The following CDH13 variants were observed in gnomAD, a reference collection of about 807,000 sequenced individuals.
The protein encoded by CDH13 is cadherin-13.
A neutral mutation model predicts 63.8 loss-of-function variants in CDH13; 24 were observed. The observed-to-expected ratio is 0.38, with a 90% CI of 0.27 to 0.53. The LOEUF is 0.53. Among genes scored for constraint, CDH13 ranks in the 20% least tolerant of loss-of-function variants. CDH13 has a pLI of 0.85. For missense variants in CDH13, 1,049 were observed against 903.1 expected (o/e 1.16, Z -2.07); for synonymous variants, 503 against 355.3 (o/e 1.42, Z -4.67).
At chr16:83,127,524 G>A (rs1265834992) in intron 4 of CDH13, among the ~76,000 whole-genome samples, 1 of 152,154 alleles carries the variant, frequency 6.6e-6, no homozygotes, top group African/African-American at 2.4e-5. Flanking sequence ...GAGGTCAGGA[G>A]TTCAAGACCA....
At position 83,546,998 on chromosome 16, in the gene CDH13, C is replaced by A. The variant is rs199805192; in HGVS notation, c.961-55456C>A. ...CCGGTCCTGAACAGCCTGGCTTCAA[C>A]TTCAAGGACCACAGTTGGCTTGAAT... is the stretch of plus-strand genomic sequence containing the variant. On this transcript the variant is annotated intron_variant, in intron 7 of 13. Coordinates refer to ENST00000567109, the MANE Select transcript of CDH13 (RefSeq NM_001257.5). Among the ~76,000 whole-genome samples the A allele has an allele frequency of 2.9e-4, 44 of 152,332 alleles. No homozygotes were observed. In the East Asian group the frequency reaches 8.1e-3, roughly 28 times the overall value.
At chr16:83,786,637 A>C (rs1355489173) in intron 13 of CDH13, among the ~76,000 whole-genome samples, 1 of 151,414 alleles carries the variant, frequency 6.6e-6, no homozygotes, top group Non-Finnish European at 1.5e-5. Flanking sequence ...GCCCAGGCTG[A>C]AGTACAGTGG....
chr16:82,827,482 G>C (rs1339019591), intron 1 of CDH13, among the ~76,000 whole-genome samples: 1 of 152,192 alleles, frequency 6.6e-6, no homozygotes, highest in South Asian at 2.1e-4. Flanking sequence ...ATGAGGCAGT[G>C]ATGATGTGAG....
chr16:83,382,242 A>G (rs544997660), intron 6 of CDH13, among the ~76,000 whole-genome samples: 1 of 152,346 alleles, frequency 6.6e-6, no homozygotes, highest in South Asian at 2.1e-4. Context: ...CACATAATGA[A>G]GACAAAAATG....
chr16:83,441,123 A>T (rs1331932095), intron 6 of CDH13, among the ~76,000 whole-genome samples: 1 of 152,260 alleles, frequency 6.6e-6, no homozygotes, highest in Admixed American at 6.5e-5. Context: ...TGTTTTGAAT[A>T]AGAAAATAAT....
intron 3 of CDH13, among the ~76,000 whole-genome samples, chr16:83,057,877 A>C (rs1000543377): frequency 4.6e-5 from 7 of 152,230 alleles, no homozygotes; most frequent in African/African-American, 1.4e-4. Context: ...TTAAACCTGC[A>C]CACAGTAATT....
At chr16:82,702,637 A>G (rs1299993498) in intron 1 of CDH13, among the ~76,000 whole-genome samples, 1 of 152,154 alleles carries the variant, frequency 6.6e-6, no homozygotes, top group African/African-American at 2.4e-5. Context: ...CCCCCACTCA[A>G]ATTGTATTTT....
intron 7 of CDH13, among the ~76,000 whole-genome samples, chr16:83,531,106 A>C (rs1007005325): frequency 1.3e-5 from 2 of 152,178 alleles, no homozygotes; most frequent in Non-Finnish European, 2.9e-5. Flanking sequence ...TAAGCAATCA[A>C]ATGTTACAAC....
chr16:83,602,119 AAAAAAAAAAAAAAAAAAAAAAAAACC>A (rs1907886144), intron 7 of CDH13, among the ~76,000 whole-genome samples: 2 of 119,018 alleles, frequency 1.7e-5, no homozygotes, highest in Admixed American at 1.6e-4. Flanking sequence ...AAAAAAAAAA[AAAAAAAAAAAAAAAAAAAAAAAAACC>A]CAAAGGACAA....
At chr16:83,772,063 TG>T (rs1394853159) in intron 11 of CDH13, among the ~76,000 whole-genome samples, 5 of 152,082 alleles carry the variant, frequency 3.3e-5, no homozygotes, top group African/African-American at 1.2e-4. Flanking sequence ...TGGAGAAGGA[TG>T]GGGGGTGACT....
chr16:83,606,503 G>A (rs1481440994), intron 8 of CDH13, among the ~76,000 whole-genome samples: 2 of 151,968 alleles, frequency 1.3e-5, no homozygotes, highest in Admixed American at 6.6e-5. Flanking sequence ...TTTGGGTGGC[G>A]GAAGTGGGAG....
chr16:82,922,993 C>T (rs1349941972), intron 2 of CDH13, among the ~76,000 whole-genome samples: 1 of 152,048 alleles, frequency 6.6e-6, no homozygotes, highest in African/African-American at 2.4e-5. Context: ...ATACTGTAGT[C>T]TCTTAAGTGT....
chr16:83,017,671 C>T (rs1914938022), intron 2 of CDH13, among the ~76,000 whole-genome samples: 1 of 152,142 alleles, frequency 6.6e-6, no homozygotes. Flanking sequence ...ATATGATAGA[C>T]ATCAAACATG....
At chr16:83,271,411 G>A (rs77072345) in intron 5 of CDH13, among the ~76,000 whole-genome samples, 7,502 of 35,726 alleles carry the variant, frequency 0.21, 358 homozygotes, top group Middle Eastern at 0.34. Flanking sequence ...CGCACATTGA[G>A]GCAGAGTTCA....
intron 6 of CDH13, among the ~76,000 whole-genome samples, chr16:83,376,597 C>G (rs1466087976): frequency 6.6e-6 from 1 of 152,022 alleles, no homozygotes. Context: ...GAACATCTAA[C>G]TCGGTGAGAT....
chr16:83,238,142 C>G (rs909500584), intron 5 of CDH13, among the ~76,000 whole-genome samples: 14 of 151,938 alleles, frequency 9.2e-5, no homozygotes, highest in African/African-American at 3.4e-4. Context: ...TAGGTATGAA[C>G]TGTTCTGGTC....
chr16:83,730,690 G>A (rs1910941857), intron 10 of CDH13, among the ~76,000 whole-genome samples: 1 of 152,060 alleles, frequency 6.6e-6, no homozygotes, highest in Admixed American at 6.6e-5. Flanking sequence ...TTTAGATTCA[G>A]GGGGTCCATG....
intron 6 of CDH13, among the ~76,000 whole-genome samples, chr16:83,370,875 A>G (rs966057313): frequency 1.9e-4 from 29 of 152,258 alleles, no homozygotes; most frequent in African/African-American, 6.3e-4. Flanking sequence ...TCTACTGTTG[A>G]TGGGCATTTA....
intron 6 of CDH13, among the ~76,000 whole-genome samples, chr16:83,434,026 A>C (rs145769674): frequency 6.6e-6 from 1 of 152,030 alleles, no homozygotes; most frequent in South Asian, 2.1e-4. Context: ...GATGGACTTT[A>C]TTTTATAAGG....
Sources: allele counts gnomAD v4.1 joint callset (sites outside exome capture counted in the v4.1 genomes callset), GRCh38; gene constraint gnomAD v4.1.1; transcripts MANE v1.5; gene names NCBI Gene and HGNC (gene_info 2026-07-23, HGNC 2026-07-21).